The following E2F3 variants were observed in gnomAD, a reference collection of about 807,000 sequenced individuals.
The protein encoded by E2F3 is E2F transcription factor 3, also known as transcription factor E2F3.
E2F3 carries 11 observed loss-of-function variants against 44.4 expected under a neutral mutation model. That is an observed-to-expected ratio of 0.25 (90% CI 0.16 to 0.41). The LOEUF (loss-of-function observed/expected upper bound fraction) is 0.41. E2F3 is among the 10% of genes least tolerant of loss of function. E2F3 has a pLI of 1.00. For missense variants in E2F3, 487 were observed against 583.6 expected, an observed-to-expected ratio of 0.83 and a Z score of 1.70; for synonymous variants, 249 against 253.0, an observed-to-expected ratio of 0.98 and a Z score of 0.15.
At chr6:20,471,476 G>A (rs766350442) in intron 1 of E2F3, among the ~76,000 whole-genome samples, 57 of 152,142 alleles carry the variant, frequency 3.7e-4, no homozygotes, top group Non-Finnish European at 6.9e-4. Context: ...CAGCTACTTG[G>A]GAGCTGAGGC....
chr6:20,483,077 G>A (rs1762284232), intron 4 of E2F3, among the ~76,000 whole-genome samples, 157 bp downstream of exon 4: 1 of 152,068 alleles, frequency 6.6e-6, no homozygotes, highest in African/African-American at 2.4e-5. Context: ...GTGCACGTGT[G>A]TGTGTAAACC....
chr6:20,490,097 T>C lies in E2F3; in HGVS notation c.1136-71T>C. The C allele has an allele frequency of 6.7e-7, 1 of 1,482,874 alleles. No homozygotes were observed. Among genetic ancestry groups the C allele is most frequent in the South Asian group, 1.4e-5 (1 of 73,228 alleles). 91.9% of individuals were successfully genotyped at this position (1,482,874 alleles called of 1,614,324 possible). On this transcript the variant is annotated intron_variant, in intron 6 of 6. Coordinates refer to ENST00000346618, the MANE Select transcript of E2F3 (RefSeq NM_001949.5). The surrounding 1 kb of genome is among the most constrained non-coding windows in gnomAD (Gnocchi z 4.3). ...CATGCTTTTTTCTAACAGCAACATA[T>C]ACATTCTTCCAGAAAAATTCATTTG...
intron 2 of E2F3, among the ~76,000 whole-genome samples, chr6:20,480,565 G>T (rs182322885): frequency 7.9e-4 from 121 of 152,318 alleles, no homozygotes; most frequent in Non-Finnish European, 1.5e-3. Flanking sequence ...CACAAATTGT[G>T]TGACACTAAA....
chr6:20,475,278 C>T (rs1762009527), intron 1 of E2F3, among the ~76,000 whole-genome samples: 1 of 152,212 alleles, frequency 6.6e-6, no homozygotes, highest in Non-Finnish European at 1.5e-5. Flanking sequence ...CCCGGTCTTT[C>T]GAAGTTAAGT....
At chr6:20,406,975 G>A (rs1759515212) in intron 1 of E2F3, among the ~76,000 whole-genome samples, 1 of 152,168 alleles carries the variant, frequency 6.6e-6, no homozygotes, top group Admixed American at 6.5e-5. Context: ...GAAAATTTGG[G>A]ATTTAATAAT....
At position 20,421,623 on chromosome 6, in the gene E2F3, G is replaced by A. The variant is rs1228903225; in HGVS notation, c.393+18998G>A. On this transcript the variant is annotated intron_variant, in intron 1 of 6. Coordinates refer to ENST00000346618, the MANE Select transcript of E2F3 (RefSeq NM_001949.5). Reference sequence around the variant, plus strand: ...TCAGTAAACCATGCTGTAAACAGATGTGCTGTCATTCAAGCTTTATTACTT... The same window carrying A: ...TCAGTAAACCATGCTGTAAACAGATATGCTGTCATTCAAGCTTTATTACTT... 2.6e-5 allele frequency: 4 copies of A among 152,196 alleles called. No individual in the cohort carries two copies. In the East Asian group the frequency reaches 7.7e-4, roughly 29 times the overall value. The allele number at this position is 152,196 out of a possible 1,614,324, so 9.4% of individuals were successfully genotyped here. A position where few individuals can be genotyped will look rare whatever the true frequency, so the allele number is the denominator to read the frequency against.
At chr6:20,428,515 G>T (rs552107338) in intron 1 of E2F3, among the ~76,000 whole-genome samples, 1 of 152,106 alleles carries the variant, frequency 6.6e-6, no homozygotes, top group Admixed American at 6.6e-5. Flanking sequence ...GAGCCACCAC[G>T]CCCAGCCCCC....
rs1158661339 is a variant in E2F3 at position 20,492,322 on chromosome 6, T to C, written c.*1892T>C. 2 of 232,886 alleles carry C rather than the reference T, an allele frequency of 8.6e-6. No homozygotes were observed. Among genetic ancestry groups the C allele is most frequent in the African/African-American group, 2.2e-5 (1 of 45,242 alleles). 14.4% of individuals were successfully genotyped at this position (232,886 alleles called of 1,614,324 possible). A position where few individuals can be genotyped will look rare whatever the true frequency, so the allele number is the denominator to read the frequency against. ...GGAAGAAAAACAAAGGTGCAGACTATCTTCCTTTTTTTCTTCTTCAGCCTC... is the reference window on the plus strand; with the variant it reads ...GGAAGAAAAACAAAGGTGCAGACTACCTTCCTTTTTTTCTTCTTCAGCCTC... On this transcript the variant is annotated 3_prime_UTR_variant, in exon 7 of 7. Transcript: ENST00000346618.
chr6:20,474,283 A>C (rs548714522), intron 1 of E2F3, among the ~76,000 whole-genome samples: 1 of 152,294 alleles, frequency 6.6e-6, no homozygotes, highest in East Asian at 1.9e-4. Context: ...ACTGCTTACC[A>C]GTACAACTGT....
At chr6:20,417,260 G>A (rs984581319) in intron 1 of E2F3, among the ~76,000 whole-genome samples, 3 of 152,166 alleles carry the variant, frequency 2.0e-5, no homozygotes, top group African/African-American at 7.2e-5. Context: ...ATGGGAAAGT[G>A]TCCAGTGTGG....
chr6:20,481,182 G>T (rs778898372), intron 2 of E2F3, 24 bp from the exon 3 acceptor site: 5 of 1,609,454 alleles, frequency 3.1e-6, no homozygotes, highest in East Asian at 2.2e-5. Context: ...TCCCCCACCC[G>T]CTCGGTTTTT....
intron 2 of E2F3, 29 bp from the exon 3 acceptor site, chr6:20,481,177 C>CA (rs1203367063): frequency 6.2e-7 from 1 of 1,606,912 alleles, no homozygotes; most frequent in African/African-American, 1.3e-5. Flanking sequence ...CCCTATCCCC[C>CA]ACCCGCTCGG....
chr6:20,481,548 T>C (rs1762225326), intron 3 of E2F3, 123 bp downstream of exon 3: 1 of 785,042 alleles, frequency 1.3e-6, no homozygotes, highest in African/African-American at 1.7e-5. Flanking sequence ...TACTGTTTTC[T>C]TCTCTCTCAT....
At position 20,460,552 on chromosome 6, in the gene E2F3, T is replaced by G. The variant is rs147779405; in HGVS notation, c.394-19294T>G. On this transcript the variant is annotated intron_variant, in intron 1 of 6. Coordinates refer to ENST00000346618, the MANE Select transcript of E2F3 (RefSeq NM_001949.5). The stretch of plus-strand genomic sequence containing the variant: ...AATGGTTTATTTAACCATTCCCTTT[T>G]AATGAACAATAGTCATTTAGATTTT... Among the ~76,000 whole-genome samples the G allele has an allele frequency of 8.0e-3, 1,220 of 152,312 alleles. 15 individuals are homozygous for G. Among genetic ancestry groups the G allele is most frequent in the African/African-American group, 0.027 (1,139 of 41,558 alleles).
intron 1 of E2F3, chr6:20,437,749 T>C (rs998211122): frequency 2.0e-5 from 3 of 152,168 alleles, no homozygotes; most frequent in African/African-American, 7.2e-5. Context: ...CCCTTTTAGG[T>C]TGATCATCAG....
intron 5 of E2F3, 131 bp from the exon 6 acceptor site, chr6:20,487,982 A>G: frequency 7.9e-7 from 1 of 1,260,364 alleles, no homozygotes; most frequent in Non-Finnish European, 1.1e-6. Context: ...TCTTTCATAG[A>G]GTTGGACTAG....
intron 1 of E2F3, among the ~76,000 whole-genome samples, chr6:20,415,582 C>T (rs1403080400): frequency 3.9e-5 from 6 of 152,112 alleles, no homozygotes; most frequent in East Asian, 1.9e-4. Flanking sequence ...TGAGAACCAC[C>T]GAACTAGACC....
chr6:20,447,748 A>G (rs1417876807), intron 1 of E2F3, among the ~76,000 whole-genome samples: 3 of 152,182 alleles, frequency 2.0e-5, no homozygotes, highest in Admixed American at 6.5e-5. Flanking sequence ...ACAATCACCA[A>G]CAGTCATTGC....
chr6:20,436,638 T>C (rs1561860013), intron 1 of E2F3, among the ~76,000 whole-genome samples: 1 of 152,174 alleles, frequency 6.6e-6, no homozygotes, highest in Non-Finnish European at 1.5e-5. Context: ...TGTTAGATGC[T>C]TTCCCACGTT....
Sources: gnomAD v4.1 joint callset for allele counts (sites outside exome capture counted in the v4.1 genomes callset) on GRCh38, gnomAD v4.1.1 for gene constraint, Gnocchi (gnomAD v3.1) non-coding constraint, MANE v1.5 for transcripts, NCBI Gene and HGNC (gene_info 2026-07-23, HGNC 2026-07-21) for gene names.